The following NIBAN1 variants were observed in gnomAD, a reference collection of about 807,000 sequenced individuals.
The protein encoded by NIBAN1 is protein Niban 1.
NIBAN1 carries 81 observed loss-of-function variants against 75.1 expected under a neutral mutation model. That is an observed-to-expected ratio of 1.08 (90% CI 0.90 to 1.30). The LOEUF (loss-of-function observed/expected upper bound fraction) is 1.30, where lower values mean the gene tolerates loss of function less well. NIBAN1 is among the 50% of genes most tolerant of loss of function. The pLI is 0.00. For missense variants in NIBAN1, 1,133 were observed against 1,128.1 expected (o/e 1.00, Z -0.06); for synonymous variants, 436 against 424.8 (o/e 1.03, Z -0.32).
intron 6 of NIBAN1, among the ~76,000 whole-genome samples, chr1:184,826,691 C>T (rs521366): frequency 0.78 from 118,902 of 152,176 alleles, 47,125 homozygotes; most frequent in African/African-American, 0.91. Flanking sequence ...TATGAAAATG[C>T]TATATATAAA....
At chr1:184,918,787 C>T (rs1483382890) in intron 1 of NIBAN1, among the ~76,000 whole-genome samples, 2 of 152,156 alleles carry the variant, frequency 1.3e-5, no homozygotes, top group Admixed American at 1.3e-4. Context: ...CCTCTCTCTC[C>T]AGTATAGCAG....
chr1:184,916,801 T>A (rs1348240354), intron 1 of NIBAN1, among the ~76,000 whole-genome samples: 1 of 152,136 alleles, frequency 6.6e-6, no homozygotes, highest in Non-Finnish European at 1.5e-5. Context: ...TCCTTTTTCT[T>A]TTCTCGTTTA....
chr1:184,913,137 G>GTATATATATATATATAT (rs771522323), intron 1 of NIBAN1, among the ~76,000 whole-genome samples: 10,188 of 109,568 alleles, frequency 0.093, 1,224 homozygotes, highest in African/African-American at 0.32. Flanking sequence ...TATCATGCAG[G>GTATATATATATATATAT]TATATATATA....
chr1:184,841,528 A>G (rs1435545757), intron 5 of NIBAN1, among the ~76,000 whole-genome samples: 1 of 152,278 alleles, frequency 6.6e-6, no homozygotes, highest in Non-Finnish European at 1.5e-5. Context: ...GAAGAAGACC[A>G]AGTGAATGAG....
At chr1:184,870,778 C>T (rs191494735) in intron 5 of NIBAN1, among the ~76,000 whole-genome samples, 2 of 152,260 alleles carry the variant, frequency 1.3e-5, no homozygotes, top group East Asian at 3.9e-4. Flanking sequence ...TACTCTATAC[C>T]GTAACCAACC....
chr1:184,923,206 T>C (rs1657604559), intron 1 of NIBAN1, among the ~76,000 whole-genome samples: 1 of 152,214 alleles, frequency 6.6e-6, no homozygotes, highest in African/African-American at 2.4e-5. Flanking sequence ...ACATCTTAGA[T>C]TTAAGTCTTT....
intron 5 of NIBAN1, among the ~76,000 whole-genome samples, chr1:184,839,275 A>T (rs988377021): frequency 6.6e-6 from 1 of 152,196 alleles, no homozygotes; most frequent in Non-Finnish European, 1.5e-5. Flanking sequence ...ATAACAGTTT[A>T]TCATGTAATT....
chr1:184,903,224 T>C (rs1372107716), intron 1 of NIBAN1, among the ~76,000 whole-genome samples: 2 of 152,240 alleles, frequency 1.3e-5, no homozygotes. Flanking sequence ...CACATTTTGA[T>C]ATACCACCAT....
chr1:184,971,592 C>T (rs1658937982), intron 1 of NIBAN1, among the ~76,000 whole-genome samples: 1 of 152,002 alleles, frequency 6.6e-6, no homozygotes, highest in Admixed American at 6.6e-5. Context: ...ATCACTTGGA[C>T]CAGGGAGTCA....
chr1:184,874,285 A>G (rs1656179866), intron 5 of NIBAN1, among the ~76,000 whole-genome samples: 1 of 152,090 alleles, frequency 6.6e-6, no homozygotes, highest in Admixed American at 6.5e-5. Flanking sequence ...TAGAAAACAC[A>G]AAGTAAGATA....
At chr1:184,960,153 T>A (rs1365690496) in intron 1 of NIBAN1, among the ~76,000 whole-genome samples, 1 of 152,192 alleles carries the variant, frequency 6.6e-6, no homozygotes, top group Admixed American at 6.5e-5. Context: ...ATCTGACATA[T>A]ACATGCTTAA....
At chr1:184,936,226 A>C (rs10489583) in intron 1 of NIBAN1, among the ~76,000 whole-genome samples, 60,498 of 151,844 alleles carry the variant, frequency 0.4, 13,926 homozygotes, top group South Asian at 0.52. Context: ...TAGATGCTGG[A>C]AATGGAGGAT....
chr1:184,915,270 A>G (rs1277201254), intron 1 of NIBAN1, among the ~76,000 whole-genome samples: 1 of 152,234 alleles, frequency 6.6e-6, no homozygotes. Context: ...TGTTTTCAAT[A>G]TCTTCCTCCA....
intron 1 of NIBAN1, among the ~76,000 whole-genome samples, chr1:184,941,441 T>C (rs1658084790): frequency 6.6e-6 from 1 of 151,972 alleles, no homozygotes; most frequent in Non-Finnish European, 1.5e-5. Flanking sequence ...CTTGAGCTCA[T>C]GAATTTGAGA....
intron 9 of NIBAN1, 59 bp downstream of exon 9, chr1:184,818,579 C>T: frequency 1.4e-6 from 2 of 1,444,552 alleles, no homozygotes; most frequent in African/African-American, 1.4e-5. Context: ...AGATAAAGCC[C>T]CATGGAAAAC....
At position 184,884,784 on chromosome 1, in the gene NIBAN1, C is replaced by T. The variant is rs552336940; in HGVS notation, c.450G>A (p.Glu150=). 11 of 1,613,780 alleles carry T rather than the reference C, an allele frequency of 6.8e-6. No individual in the cohort carries two copies. The highest frequency in any genetic ancestry group is 3.3e-5 in the South Asian group (3 of 91,040). ...GCAGGACCACAAAGGGCTGAGTGTTCTCCTTCTCACTGGAGGCTAAAGAAA... is the reference window on the plus strand; with the variant it reads ...GCAGGACCACAAAGGGCTGAGTGTTTTCCTTCTCACTGGAGGCTAAAGAAA... ...FPDPLASSEK[E]NTQPFVVLPK... Residue 150 remains glutamate, a synonymous_variant, in exon 5 of 14, where the codon GAG becomes GAA. Coordinates refer to ENST00000367511, the MANE Select transcript of NIBAN1 (RefSeq NM_052966.4).
intron 5 of NIBAN1, among the ~76,000 whole-genome samples, chr1:184,834,013 C>T (rs1655070538): frequency 6.6e-6 from 1 of 151,634 alleles, no homozygotes; most frequent in African/African-American, 2.4e-5. Flanking sequence ...CCCCCTGCCC[C>T]CCACCCCACA....
intron 5 of NIBAN1, among the ~76,000 whole-genome samples, chr1:184,884,280 G>A (rs1656453452): frequency 7.3e-6 from 1 of 136,932 alleles, no homozygotes; most frequent in African/African-American, 2.8e-5. Flanking sequence ...CTGGAGTGCA[G>A]TGGCGCGATC....
rs143039164 is a variant in NIBAN1, at chr1:184,917,765, A to T, written c.56-18456T>A. Among the ~76,000 whole-genome samples the T allele has an allele frequency of 1.6e-3, 246 of 152,046 alleles. 2 individuals are homozygous for T. Among genetic ancestry groups the T allele is most frequent in the African/African-American group, 5.7e-3 (238 of 41,454 alleles). On this transcript the variant is annotated intron_variant, in intron 1 of 13. Coordinates refer to ENST00000367511, the MANE Select transcript of NIBAN1 (RefSeq NM_052966.4). ...ATTATCTCCTTTTTCTCGGATTGCC[A>T]TTGTCTTCCTCACCACTAGTTTTCA...
Sources: gnomAD v4.1 joint callset for allele counts (sites outside exome capture counted in the v4.1 genomes callset) on GRCh38, gnomAD v4.1.1 for gene constraint, MANE v1.5 for transcripts, NCBI Gene and HGNC (gene_info 2026-07-23, HGNC 2026-07-21) for gene names.